CABLES1: variants seen among roughly 807,000 people sequenced by gnomAD.
The protein encoded by CABLES1 is Cdk5 and Abl enzyme substrate 1.
Under a neutral mutation model 57.8 loss-of-function variants are expected in CABLES1, and 36 were observed. The observed-to-expected ratio is 0.62, with a 90% confidence interval of 0.48 to 0.82. The LOEUF is 0.82. Ranked by LOEUF, CABLES1 falls within the 40% of genes least tolerant of loss-of-function variation. The pLI is 0.00. For synonymous variants in CABLES1, 374 were observed against 363.0 expected (o/e 1.03, Z -0.35); for missense variants, 767 against 836.6 (o/e 0.92, Z 1.03).
At chr18:23,231,659 C>T (rs767040747) in intron 4 of CABLES1, among the ~76,000 whole-genome samples, 14 of 152,166 alleles carry the variant, frequency 9.2e-5, no homozygotes, top group Admixed American at 3.3e-4. Flanking sequence ...GTCGCTGAGA[C>T]GCTTGGACAA....
intron 1 of CABLES1, among the ~76,000 whole-genome samples, chr18:23,166,924 C>T (rs1317159017): frequency 2.6e-5 from 4 of 152,062 alleles, no homozygotes; most frequent in Non-Finnish European, 4.4e-5. Flanking sequence ...CTGTGATGCG[C>T]GTGATTTCTC....
chr18:23,135,854 C>T lies in CABLES1; in HGVS notation c.92C>T (p.Pro31Leu), dbSNP rs945522491. 123 of 988,956 alleles carry T rather than the reference C, an allele frequency of 1.2e-4. No individual in the cohort carries two copies. In the Admixed American group the frequency reaches 2.0e-3, roughly 16 times the overall value. The allele number at this position is 988,956 out of a possible 1,614,324, so 61.3% of individuals were successfully genotyped here. The change falls in exon 1 of 10, where the codon CCG becomes CTG. Residue 31 changes from proline to leucine, a missense_variant. By Grantham distance (98) the Pro-to-Leu change is moderately conservative. Around this residue, in one of 4 missense-constraint regions of CABLES1, gnomAD observed 198 missense variants for 149.7 expected, o/e 1.32. Transcript: ENST00000256925. ...DAAGASGLQQPPPQPQPQPAA... is the reference protein window; with the variant it reads ...DAAGASGLQQLPPQPQPQPAA... ...GCGGGCGCCAGCGGATTGCAGCAGC[C>T]GCCGCCGCAGCCCCAGCCTCAGCCC...
At chr18:23,134,723 G>C (rs2046804529), upstream of CABLES1, 3 of 152,172 alleles carry the variant, frequency 2.0e-5, no homozygotes, top group Non-Finnish European at 1.5e-5. Context: ...GCACATTTCA[G>C]AGCCAAAGTA....
intron 3 of CABLES1, among the ~76,000 whole-genome samples, chr18:23,206,461 T>G (rs1482015844): frequency 6.6e-6 from 1 of 152,270 alleles, no homozygotes; most frequent in Non-Finnish European, 1.5e-5. Context: ...GTGCTGGCAT[T>G]TAAGGCCCAT....
chr18:23,225,454 A>G (rs1674574823), intron 4 of CABLES1, among the ~76,000 whole-genome samples: 1 of 151,228 alleles, frequency 6.6e-6, no homozygotes, highest in South Asian at 2.1e-4. Context: ...TTCTTAATGC[A>G]TACACTTTAT....
At chr18:23,212,164 C>T (rs542380818) in intron 3 of CABLES1, among the ~76,000 whole-genome samples, 2 of 152,356 alleles carry the variant, frequency 1.3e-5, no homozygotes, top group South Asian at 4.1e-4. Context: ...GCACAGAGGT[C>T]TGAAGAGGTT....
chr18:23,138,564 C>T (rs796492727), intron 1 of CABLES1, among the ~76,000 whole-genome samples: 2 of 152,206 alleles, frequency 1.3e-5, no homozygotes, highest in African/African-American at 4.8e-5. Context: ...GCTAGCTTAG[C>T]TGTGGAGAGG....
intron 3 of CABLES1, among the ~76,000 whole-genome samples, chr18:23,201,904 T>TGAGGGAGCC (rs2047327962): frequency 6.6e-6 from 1 of 150,594 alleles, no homozygotes; most frequent in African/African-American, 2.5e-5. Flanking sequence ...GTGAGGGAGG[T>TGAGGGAGCC]GAGGGAGCCA....
chr18:23,171,209 C>G (rs1313081779), intron 1 of CABLES1, among the ~76,000 whole-genome samples: 1 of 152,206 alleles, frequency 6.6e-6, no homozygotes, highest in African/African-American at 2.4e-5. Flanking sequence ...GGTGGGAGTC[C>G]TCCATTCTTG....
At chr18:23,177,656 G>C (rs1271470716) in intron 1 of CABLES1, among the ~76,000 whole-genome samples, 1 of 152,126 alleles carries the variant, frequency 6.6e-6, no homozygotes, top group Non-Finnish European at 1.5e-5. Context: ...ATGCCTCACC[G>C]AGTCCCAGTT....
chr18:23,205,744 G>A (rs531089508), intron 3 of CABLES1, among the ~76,000 whole-genome samples: 1 of 152,272 alleles, frequency 6.6e-6, no homozygotes, highest in East Asian at 1.9e-4. Flanking sequence ...TATAGTCCCA[G>A]CAATTCTGGA....
intron 3 of CABLES1, among the ~76,000 whole-genome samples, chr18:23,205,181 C>CTTTTTTTTTT (rs34690271): frequency 1.2e-5 from 1 of 81,188 alleles, no homozygotes; most frequent in Non-Finnish European, 2.2e-5. Flanking sequence ...TCATTCCTGA[C>CTTTTTTTTTT]TTTTTTTTTT....
intron 4 of CABLES1, among the ~76,000 whole-genome samples, chr18:23,232,227 A>C (rs568513468): frequency 5.9e-5 from 9 of 152,272 alleles, no homozygotes; most frequent in Admixed American, 3.9e-4. Flanking sequence ...CTTCTCTCTT[A>C]ATTTCAGCCC....
intron 4 of CABLES1, among the ~76,000 whole-genome samples, chr18:23,215,721 T>C (rs543278056): frequency 1.3e-5 from 2 of 152,288 alleles, no homozygotes; most frequent in South Asian, 4.2e-4. Flanking sequence ...ACATTAAAAT[T>C]ACACACACAA....
chr18:23,137,348 T>A (rs2046829723), intron 1 of CABLES1, among the ~76,000 whole-genome samples: 1 of 152,228 alleles, frequency 6.6e-6, no homozygotes, highest in African/African-American at 2.4e-5. Flanking sequence ...GTTTGCTTAT[T>A]GTTCAGGAAA....
At chr18:23,232,077 G>A (rs1412611352) in intron 4 of CABLES1, among the ~76,000 whole-genome samples, 1 of 152,194 alleles carries the variant, frequency 6.6e-6, no homozygotes, top group Non-Finnish European at 1.5e-5. Flanking sequence ...CATATCAGAC[G>A]TTGTATAGAC....
chr18:23,155,187 A>G (rs2046957712), intron 1 of CABLES1, among the ~76,000 whole-genome samples: 1 of 152,230 alleles, frequency 6.6e-6, no homozygotes, highest in African/African-American at 2.4e-5. Flanking sequence ...CCAAGAAAAT[A>G]AAAGTCAAGG....
At chr18:23,220,315 C>A (rs147345556) in intron 4 of CABLES1, among the ~76,000 whole-genome samples, 4 of 152,230 alleles carry the variant, frequency 2.6e-5, no homozygotes, top group Non-Finnish European at 4.4e-5. Flanking sequence ...TATGGCATCC[C>A]AGGCACTGGT....
chr18:23,152,475 C>T (rs1012596026), intron 1 of CABLES1, among the ~76,000 whole-genome samples: 9 of 144,690 alleles, frequency 6.2e-5, no homozygotes, highest in South Asian at 4.4e-4. Context: ...AGTTTATAAT[C>T]GTTTGGTCTA....
Sources: allele counts gnomAD v4.1 joint callset (sites outside exome capture counted in the v4.1 genomes callset), GRCh38; gene constraint gnomAD v4.1.1; regional missense constraint gnomAD v4.1.1; transcripts MANE v1.5; gene names NCBI Gene and HGNC (gene_info 2026-07-23, HGNC 2026-07-21).